The following PCLO variants were observed in gnomAD, a reference collection of about 807,000 sequenced individuals.
PCLO encodes protein piccolo.
In PCLO, 82 loss-of-function variants were observed where a neutral mutation model predicts 427.5. The ratio of observed to expected loss-of-function variants is 0.19; its 90% CI spans 0.16 to 0.23. PCLO has a LOEUF of 0.23. Ranked by LOEUF, PCLO falls within the 10% of genes least tolerant of loss-of-function variation. The probability of loss-of-function intolerance (pLI) is 1.00; values close to 1 mark genes in which losing one functional copy is unlikely to be tolerated. For missense variants in PCLO, 6,239 were observed against 6,115.9 expected, an observed-to-expected ratio of 1.02 and a Z score of -0.67; for synonymous variants, 2,357 against 2,155.4, an observed-to-expected ratio of 1.09 and a Z score of -2.59.
intron 6 of PCLO, among the ~76,000 whole-genome samples, chr7:82,938,496 C>T (rs1170740426): frequency 1.3e-5 from 2 of 151,878 alleles, no homozygotes; most frequent in Non-Finnish European, 2.9e-5. Flanking sequence ...AAATTTAAAA[C>T]CACCCTTTTT....
At chr7:83,071,635 T>A (rs2116356842) in intron 3 of PCLO, among the ~76,000 whole-genome samples, 1 of 152,262 alleles carries the variant, frequency 6.6e-6, no homozygotes, top group Middle Eastern at 3.4e-3. Context: ...AATTAGACAA[T>A]AATCAAATGC....
intron 3 of PCLO, among the ~76,000 whole-genome samples, chr7:83,019,745 G>A (rs954587362): frequency 2.0e-5 from 3 of 152,036 alleles, no homozygotes. Context: ...TTATCTCTAT[G>A]AAGCACTGTG....
chr7:82,977,398 T>G (rs1796043862), intron 3 of PCLO, among the ~76,000 whole-genome samples: 1 of 148,640 alleles, frequency 6.7e-6, no homozygotes, highest in African/African-American at 2.5e-5. Context: ...ATTTATTTAT[T>G]TATTTATTTA....
At chr7:82,910,636 T>C (rs1372892824) in intron 7 of PCLO, among the ~76,000 whole-genome samples, 1 of 152,122 alleles carries the variant, frequency 6.6e-6, no homozygotes, top group Admixed American at 6.6e-5. Flanking sequence ...GAATGAAGCA[T>C]AGAATAATTA....
At chr7:82,833,344 A>C (rs1792144349) in intron 16 of PCLO, among the ~76,000 whole-genome samples, 1 of 152,206 alleles carries the variant, frequency 6.6e-6, no homozygotes, top group Admixed American at 6.5e-5. Flanking sequence ...GTGATGAGAG[A>C]AAACCAGAGC....
In PCLO at chr7:82,916,248, G is replaced by C. The variant is rs1794458945; in HGVS notation, c.11738C>G (p.Thr3913Ser). 6.2e-7 allele frequency: 1 copy of C among 1,613,590 alleles called. No individual in the cohort carries two copies. Among genetic ancestry groups the C allele is most frequent in the Non-Finnish European group, 8.5e-7 (1 of 1,179,724 alleles). ...AGGTGAAACTTGCTGATGGTACAAA[G>C]TTTGTTGCTCAAAATGAGACTGTTG... ...YTQQSHFEQQTLYHQQVSPYQ... is the reference protein window; with the variant it reads ...YTQQSHFEQQSLYHQQVSPYQ... Residue 3913 changes from threonine to serine, a missense_variant, in exon 7 of 25, where the codon ACT becomes AGT. Physicochemically the swap from Thr to Ser is moderately conservative, Grantham distance 58. Around this residue, in one of 5 missense-constraint regions of PCLO, gnomAD observed 680 missense variants for 677.3 expected, o/e 1.00. Coordinates refer to ENST00000333891, the MANE Select transcript of PCLO (RefSeq NM_033026.6).
intron 3 of PCLO, among the ~76,000 whole-genome samples, chr7:83,112,278 G>A (rs757342162): frequency 2.0e-5 from 3 of 152,036 alleles, no homozygotes; most frequent in Non-Finnish European, 4.4e-5. Context: ...GGCTGGTCTC[G>A]AACTCCTGAC....
chr7:82,916,930 T>C (rs1562857042), intron 6 of PCLO, 57 bp from the exon 7 acceptor site: 4 of 1,135,578 alleles, frequency 3.5e-6, no homozygotes, highest in Non-Finnish European at 4.9e-6. Context: ...AAAAACCAAA[T>C]CTACTTCCAT....
chr7:82,915,279 A>C lies in PCLO; in HGVS notation c.12707T>G (p.Leu4236Arg). The C allele has an allele frequency of 6.2e-7, 1 of 1,613,656 alleles. No individual in the cohort carries two copies. ...GCCAAAAGTGATGTCATCTTGAAGG[A>C]GCCTTGCCCTGGAGGAAATGCCACC... ...SIGGISSRAR[L>R]LQDDITFGLR... Residue 4236 changes from leucine (L) to arginine (R), a missense_variant, in exon 7 of 25, where the codon CTC (leucine) becomes CGC (arginine). Physicochemically the swap from Leu to Arg is moderately radical, Grantham distance 102 (BLOSUM62 -2). Coordinates refer to ENST00000333891, the MANE Select transcript of PCLO (RefSeq NM_033026.6).
rs981827274 is a variant in PCLO, at chr7:82,755,278, C to A, written c.*3297G>T. 5.3e-5 allele frequency: 8 copies of A among 151,800 alleles called. No individual in the cohort carries two copies. Among genetic ancestry groups the A allele is most frequent in the Admixed American group, 2.6e-4 (4 of 15,216 alleles). The allele number at this position is 151,800 out of a possible 1,614,324, so 9.4% of individuals were successfully genotyped here. A position where few individuals can be genotyped will look rare whatever the true frequency, so the allele number is the denominator to read the frequency against. ...TTAGTGTAATTTATTAAAATATGGG[C>A]AATATTAAAGAGTAAAGATAACTGA... On this transcript the variant is annotated 3_prime_UTR_variant, in exon 25 of 25. Coordinates refer to ENST00000333891, the MANE Select transcript of PCLO (RefSeq NM_033026.6).
intron 9 of PCLO, among the ~76,000 whole-genome samples, chr7:82,888,878 T>A (rs542177547): frequency 1.3e-5 from 2 of 152,258 alleles, no homozygotes; most frequent in East Asian, 1.9e-4. Context: ...AAGGCTATAG[T>A]TAAGACTCAA....
At chr7:82,936,826 T>G (rs1226513443) in intron 6 of PCLO, among the ~76,000 whole-genome samples, 1 of 151,638 alleles carries the variant, frequency 6.6e-6, no homozygotes, top group East Asian at 1.9e-4. Context: ...TTTAAAGAAA[T>G]AAAGTACTGA....
At position 82,915,559 on chromosome 7, in the gene PCLO, C is replaced by A. The variant is rs1794429701; in HGVS notation, c.12427G>T (p.Ala4143Ser). Residue 4143 changes from alanine (A) to serine (S), a missense_variant, in exon 7 of 25, where the codon GCT (alanine) becomes TCT (serine). By Grantham distance (99) the Ala-to-Ser change is moderately conservative (BLOSUM62 1). Around this residue, in one of 5 missense-constraint regions of PCLO, gnomAD observed 680 missense variants for 677.3 expected, o/e 1.00. Coordinates refer to ENST00000333891, the MANE Select transcript of PCLO (RefSeq NM_033026.6). ...RRGTESLDHL[A>S]GLSHYYHADT... The stretch of plus-strand genomic sequence containing the variant: ...GCATGGTAATAATGAGAAAGACCAG[C>A]AAGGTGATCTAAGCTCTCTGTCCCT... The A allele has an allele frequency of 6.2e-7, 1 of 1,613,638 alleles. No individual in the cohort carries two copies. Among genetic ancestry groups the A allele is most frequent in the Non-Finnish European group, 8.5e-7 (1 of 1,179,726 alleles).
chr7:82,993,571 T>C (rs958038415), intron 3 of PCLO, among the ~76,000 whole-genome samples: 4 of 152,066 alleles, frequency 2.6e-5, no homozygotes, highest in Admixed American at 2.6e-4. Context: ...AATGAGACTT[T>C]TTTTTTAGCA....
intron 22 of PCLO, among the ~76,000 whole-genome samples, chr7:82,782,717 G>A (rs960608664): frequency 6.6e-6 from 1 of 151,986 alleles, no homozygotes; most frequent in Non-Finnish European, 1.5e-5. Flanking sequence ...AATTTACTAC[G>A]GTTCACTGTT....
Position 82,801,558 on chromosome 7 carries a change from T to A in PCLO, c.14967A>T (p.Val4989=). 6.3e-7 allele frequency: 1 copy of A among 1,598,436 alleles called. No individual in the cohort carries two copies. The highest frequency in any genetic ancestry group is 8.6e-7 in the Non-Finnish European group (1 of 1,165,968). Residue 4989 remains valine (V), a synonymous_variant, in exon 22 of 25, where the codon GTA becomes GTT. Coordinates refer to ENST00000333891, the MANE Select transcript of PCLO (RefSeq NM_033026.6). ...GTCCTACTCCTACCCCTGGCTGTTT[T>A]ACAGGCTCTTGTCCATTCTGTCCCA... ...GKMGQNGQEP[V]KQPGVGVGLA...
At chr7:82,919,049 A>G (rs907695850) in intron 6 of PCLO, among the ~76,000 whole-genome samples, 4 of 151,966 alleles carry the variant, frequency 2.6e-5, no homozygotes, top group African/African-American at 9.7e-5. Context: ...TATATATTGT[A>G]CATATGTGTA....
At chr7:82,852,076 G>T (rs1792675147) in intron 10 of PCLO, among the ~76,000 whole-genome samples, 1 of 151,946 alleles carries the variant, frequency 6.6e-6, no homozygotes, top group Admixed American at 6.6e-5. Context: ...AAAAAGAAAG[G>T]AAGGGGGGAA....
intron 6 of PCLO, among the ~76,000 whole-genome samples, chr7:82,941,506 G>A (rs1200557120): frequency 6.6e-6 from 1 of 152,176 alleles, no homozygotes; most frequent in Admixed American, 6.5e-5. Context: ...GGACACTGAT[G>A]TGGGCTTCAC....
Sources: gnomAD v4.1 joint callset for allele counts (sites outside exome capture counted in the v4.1 genomes callset) on GRCh38, gnomAD v4.1.1 for gene constraint, gnomAD v4.1.1 regional missense constraint, MANE v1.5 for transcripts, NCBI Gene and HGNC (gene_info 2026-07-23, HGNC 2026-07-21) for gene names.